The following SOX6 variants were observed in gnomAD, a reference collection of about 807,000 sequenced individuals.
SOX6 encodes the protein SRY-box transcription factor 6.
A neutral mutation model predicts 97.8 loss-of-function variants in SOX6; 11 were observed. The ratio of observed to expected loss-of-function variants is 0.11; its 90% CI spans 0.07 to 0.19. The LOEUF (loss-of-function observed/expected upper bound fraction) is 0.19. Among genes scored for constraint, SOX6 ranks in the 10% least tolerant of loss-of-function variants. The pLI, the probability that SOX6 is intolerant of heterozygous loss-of-function variation, is 1.00. For missense variants in SOX6, 810 were observed against 1,039.5 expected (o/e 0.78, Z 3.04); for synonymous variants, 360 against 371.4 (o/e 0.97, Z 0.35).
At chr11:16,629,312 T>C (rs1274886967) in intron 3 of SOX6, among the ~76,000 whole-genome samples, 2 of 152,258 alleles carry the variant, frequency 1.3e-5, no homozygotes, top group East Asian at 3.8e-4. Context: ...GAAGCGATGT[T>C]GGATTTTATC....
At chr11:16,225,920 TG>T (rs1852674660) in intron 4 of SOX6, among the ~76,000 whole-genome samples, 1 of 152,204 alleles carries the variant, frequency 6.6e-6, no homozygotes, top group Non-Finnish European at 1.5e-5. Flanking sequence ...TACTATTTGA[TG>T]TATGCAGTTC....
Position 15,969,069 on chromosome 11 carries a change from G to T in SOX6, c.*3740C>A, listed in dbSNP as rs1853225718. 6.9e-6 allele frequency: 1 copy of T among 144,780 alleles called. No homozygotes were observed. Among genetic ancestry groups the T allele is most frequent in the African/African-American group, 2.6e-5 (1 of 38,638 alleles). 9.0% of individuals were successfully genotyped at this position (144,780 alleles called of 1,614,324 possible). On this transcript the variant is annotated 3_prime_UTR_variant, in exon 16 of 16. Coordinates refer to ENST00000683767, the MANE Select transcript of SOX6 (RefSeq NM_001367873.1). ...TTCTCCTTTTCCTTCCATTCCATAT[G>T]GCTATTTTTTTTTTTTTTTTTTTTT...
chr11:16,455,307 C>A (rs1183043822), intron 1 of SOX6, among the ~76,000 whole-genome samples: 1 of 151,874 alleles, frequency 6.6e-6, no homozygotes, highest in Non-Finnish European at 1.5e-5. Context: ...AAAGTATAAA[C>A]CTAACCCCTT....
intron 3 of SOX6, among the ~76,000 whole-genome samples, chr11:16,692,088 TGCGC>T (rs75817806): frequency 0.16 from 23,661 of 144,506 alleles, 2,081 homozygotes; most frequent in Middle Eastern, 0.25. Flanking sequence ...TGTGTGTGTG[TGCGC>T]GCGCGCGCTT....
chr11:15,981,983 TAG>T (rs1564891822), intron 15 of SOX6, among the ~76,000 whole-genome samples: 1 of 151,938 alleles, frequency 6.6e-6, no homozygotes, highest in Admixed American at 6.6e-5. Context: ...AGAAACTGGT[TAG>T]AGAGAGATTA....
chr11:16,316,546 T>C (rs1489725981), intron 3 of SOX6: 3 of 152,006 alleles, frequency 2.0e-5, no homozygotes, highest in East Asian at 3.8e-4. Flanking sequence ...GTCTCTCTTA[T>C]ACAAAATCAA....
Position 16,427,285 on chromosome 11 carries a change from C to G in SOX6, c.-5+49030G>C, listed in dbSNP as rs371066092. Among the ~76,000 whole-genome samples, 10 of 151,130 alleles carry G rather than the reference C, an allele frequency of 6.6e-5. No homozygotes were observed. The East Asian group carries it at 1.6e-3, about 24-fold the overall frequency. On this transcript the variant is annotated intron_variant, in intron 1 of 15. Transcript: ENST00000396356. Reference sequence around the variant, plus strand: ...GCTTAAATTTACAAGAAAAAACAAACAACCCCACTAAAAAGTGTGCAACGG... The same window carrying G: ...GCTTAAATTTACAAGAAAAAACAAAGAACCCCACTAAAAAGTGTGCAACGG...
At chr11:16,643,152 G>A (rs977017251) in intron 3 of SOX6, among the ~76,000 whole-genome samples, 1 of 152,228 alleles carries the variant, frequency 6.6e-6, no homozygotes, top group African/African-American at 2.4e-5. Flanking sequence ...CTCAGCTGCA[G>A]GTCTGTTGGG....
At chr11:16,544,525 G>A (rs1337255483) in intron 4 of SOX6, among the ~76,000 whole-genome samples, 2 of 152,128 alleles carry the variant, frequency 1.3e-5, no homozygotes, top group Non-Finnish European at 2.9e-5. Context: ...CTCCCAAAGT[G>A]CTGGGATTAC....
Position 16,582,855 on chromosome 11 carries a change from A to G in SOX6, n.609+29226T>C, listed in dbSNP as rs543750951. ...AAGATCAAATGGTTTTATAGGTAAG[A>G]TTTTTTAACCCTTAAGAACTGACAA... is the stretch of plus-strand genomic sequence containing the variant. On this transcript the variant is annotated intron_variant and non_coding_transcript_variant, in intron 4 of 5. Coordinates refer to the SOX6 transcript ENST00000524520. Among the ~76,000 whole-genome samples the G allele has an allele frequency of 5.3e-5, 8 of 152,206 alleles. No individual in the cohort carries two copies. In the South Asian group the frequency reaches 1.7e-3, roughly 32 times the overall value.
chr11:16,321,133 C>A (rs1382121671), intron 2 of SOX6, among the ~76,000 whole-genome samples: 1 of 151,984 alleles, frequency 6.6e-6, no homozygotes, highest in Non-Finnish European at 1.5e-5. Context: ...TTTGTCAAAG[C>A]CATTTAAACC....
intron 1 of SOX6, among the ~76,000 whole-genome samples, chr11:16,396,762 T>G (rs1437323723): frequency 1.3e-5 from 2 of 151,614 alleles, no homozygotes; most frequent in African/African-American, 4.8e-5. Flanking sequence ...CTTATAGAAT[T>G]GAATATTGAC....
At chr11:16,427,982 C>G (rs1859185582) in intron 1 of SOX6, among the ~76,000 whole-genome samples, 1 of 152,188 alleles carries the variant, frequency 6.6e-6, no homozygotes, top group Non-Finnish European at 1.5e-5. Flanking sequence ...CACATCCTCT[C>G]CAGCACCTGT....
At chr11:16,320,020 G>A (rs941451126) in intron 2 of SOX6, among the ~76,000 whole-genome samples, 4 of 152,046 alleles carry the variant, frequency 2.6e-5, no homozygotes, top group African/African-American at 4.8e-5. Flanking sequence ...AAAGCAAATC[G>A]TAGGTGGAAA....
At chr11:16,109,419 T>G (rs1849173674) in intron 7 of SOX6, among the ~76,000 whole-genome samples, 1 of 152,034 alleles carries the variant, frequency 6.6e-6, no homozygotes, top group African/African-American at 2.4e-5. Context: ...AGGCTGGTCT[T>G]GAACTCCTGG....
In SOX6 at chr11:16,341,048, A is replaced by G; in HGVS notation, c.201T>C (p.Ala67=). Residue 67 remains alanine (A), a synonymous_variant, in exon 2 of 16, where the codon GCT becomes GCC. Coordinates refer to ENST00000683767, the MANE Select transcript of SOX6 (RefSeq NM_001367873.1). ...GAGATGACAGAACGCTGTCCCAGTCAGCATCTTGTTGAATGGTACTGACAA... is the reference window on the plus strand; with the variant it reads ...GAGATGACAGAACGCTGTCCCAGTCGGCATCTTGTTGAATGGTACTGACAA... The part of the protein sequence containing the change: ...PTLVSTIQQD[A]DWDSVLSSQQ... 6.2e-7 allele frequency: 1 copy of G among 1,613,460 alleles called. No individual in the cohort carries two copies. The highest frequency in any genetic ancestry group is 1.7e-4 in the Middle Eastern group (1 of 6,054).
chr11:16,161,582 C>T (rs1850750343), intron 6 of SOX6, among the ~76,000 whole-genome samples: 1 of 152,082 alleles, frequency 6.6e-6, no homozygotes, highest in Admixed American at 6.6e-5. Context: ...CAGACAAAAG[C>T]AGGACAAAGG....
intron 1 of SOX6, among the ~76,000 whole-genome samples, chr11:16,365,425 C>T (rs1307925458): frequency 6.6e-6 from 1 of 151,846 alleles, no homozygotes; most frequent in African/African-American, 2.4e-5. Flanking sequence ...TTTTATCAGT[C>T]ATTGCACCAT....
At chr11:16,054,760 C>T (rs1318499693) in intron 10 of SOX6, among the ~76,000 whole-genome samples, 2 of 152,162 alleles carry the variant, frequency 1.3e-5, no homozygotes, top group African/African-American at 2.4e-5. Context: ...AGCATTTGTA[C>T]TTAGCATACT....
Sources: gnomAD v4.1 joint callset for allele counts (sites outside exome capture counted in the v4.1 genomes callset) on GRCh38, gnomAD v4.1.1 for gene constraint, MANE v1.5 for transcripts, NCBI Gene and HGNC (gene_info 2026-07-23, HGNC 2026-07-21) for gene names.